Variants in BFSP1 observed in about 807,000 individuals in gnomAD.
BFSP1 encodes the protein beaded filament structural protein 1.
A neutral mutation model predicts 43.9 loss-of-function variants in BFSP1; 38 were observed. The ratio of observed to expected loss-of-function variants is 0.87; its 90% CI spans 0.67 to 1.14. The LOEUF is 1.14. Ranked by LOEUF, BFSP1 falls within the 50% of genes most tolerant of loss-of-function variation. The probability of loss-of-function intolerance (pLI) is 0.00; values close to 1 mark genes in which losing one functional copy is unlikely to be tolerated. For synonymous variants in BFSP1, 352 were observed against 354.8 expected (o/e 0.99, Z 0.09); for missense variants, 850 against 875.1 (o/e 0.97, Z 0.36).
chr20:17,543,742 G>A (rs1043457692), intron 1 of BFSP1, among the ~76,000 whole-genome samples: 226 of 152,256 alleles, frequency 1.5e-3, no homozygotes, highest in Admixed American at 3.5e-3. Context: ...GAAGATATGC[G>A]AAGCAACTTG....
At chr20:17,559,153 T>C (rs1400553942), upstream of BFSP1, among the ~76,000 whole-genome samples, 1 of 152,146 alleles carries the variant, frequency 6.6e-6, no homozygotes, top group Admixed American at 6.5e-5. Context: ...TCAGCTCCCT[T>C]TGCCCAGACA....
chr20:17,537,170 AG>A (rs1382188463), intron 1 of BFSP1, among the ~76,000 whole-genome samples: 2 of 152,218 alleles, frequency 1.3e-5, no homozygotes, highest in Admixed American at 1.3e-4. Flanking sequence ...TGGTCCCACC[AG>A]GGTGCAGCTT....
intron 1 of BFSP1, among the ~76,000 whole-genome samples, chr20:17,540,240 C>T (rs1470582695): frequency 2.6e-5 from 4 of 152,030 alleles, no homozygotes; most frequent in African/African-American, 9.7e-5. Flanking sequence ...CACCCTCTAC[C>T]ACCTGCCTGC....
chr20:17,561,434 G>T (rs1232295499), upstream of BFSP1, among the ~76,000 whole-genome samples: 3 of 152,024 alleles, frequency 2.0e-5, no homozygotes, highest in African/African-American at 7.3e-5. Context: ...GGGAGGTAGA[G>T]GTTGCAGCGA....
At chr20:17,502,667 A>C (rs1600637523) in intron 5 of BFSP1, among the ~76,000 whole-genome samples, 1 of 152,320 alleles carries the variant, frequency 6.6e-6, no homozygotes, top group African/African-American at 2.4e-5. Flanking sequence ...TGTTTTTGCA[A>C]CTTTTCAAAA....
At chr20:17,557,386 G>A (rs148107138) in intron 1 of BFSP1, among the ~76,000 whole-genome samples, 40 of 152,256 alleles carry the variant, frequency 2.6e-4, no homozygotes, top group African/African-American at 8.9e-4. Context: ...CAGACCATGG[G>A]GGGCACCTCA....
intron 1 of BFSP1, among the ~76,000 whole-genome samples, chr20:17,555,601 T>A (rs1193412998): frequency 1.3e-5 from 2 of 152,114 alleles, no homozygotes; most frequent in East Asian, 3.9e-4. Flanking sequence ...TGCAGTAAGC[T>A]GAGATTGTGC....
chr20:17,536,323 G>A (rs141685223), upstream of BFSP1, among the ~76,000 whole-genome samples: 1,093 of 152,252 alleles, frequency 7.2e-3, 17 homozygotes, highest in East Asian at 0.019. Flanking sequence ...GGCCAAGGCG[G>A]GTGGACTGCT....
intron 1 of BFSP1, among the ~76,000 whole-genome samples, chr20:17,564,419 A>G (rs916316666): frequency 8.0e-4 from 121 of 152,118 alleles, no homozygotes; most frequent in African/African-American, 2.8e-3. Flanking sequence ...AGTCAATATA[A>G]CAAATCTGAA....
At position 17,494,647 on chromosome 20, in the gene BFSP1, C is replaced by A; in HGVS notation, c.1425G>T (p.Gly475=). 6.2e-7 allele frequency: 1 copy of A among 1,614,168 alleles called. No homozygotes were observed. Residue 475 remains glycine (G), a synonymous_variant, in exon 8 of 8, where the codon GGG becomes GGT. Transcript: ENST00000377873. ...ATCTAGGGTCCACGTAATTGGCATC[C>A]CCTGTGACCAGCACGTGCCGCTCTT... ...YTKERHVLVT[G]DANYVDPRFY...
At chr20:17,495,094 G>A in intron 7 of BFSP1, 65 bp from the exon 8 acceptor site, 1 of 1,450,214 alleles carries the variant, frequency 6.9e-7, no homozygotes, top group South Asian at 1.3e-5. Context: ...AAATACGCTG[G>A]TTGGAAAATA....
In BFSP1 at chr20:17,494,999, G is replaced by A. The variant is rs1400296874; in HGVS notation, c.1073C>T (p.Ala358Val). ...GAGGGCTTTTTGTCTTGGTTTTGCT[G>A]CTGTTATATCCTGCAGAGCTCTGGT... ...DLTRALQDIT[A>V]AKPRQKALPK... Residue 358 changes from alanine to valine, a missense_variant, in exon 8 of 8, where the codon GCA becomes GTA. Ala to Val is a moderately conservative substitution (Grantham distance 64, BLOSUM62 0). Transcript: ENST00000377873. The A allele has an allele frequency of 6.2e-7, 1 of 1,613,720 alleles. No homozygotes were observed. Among genetic ancestry groups the A allele is most frequent in the South Asian group, 1.1e-5 (1 of 91,066 alleles).
chr20:17,548,303 C>A (rs116443182), intron 1 of BFSP1, among the ~76,000 whole-genome samples: 2,095 of 151,480 alleles, frequency 0.014, 45 homozygotes, highest in African/African-American at 0.048. Flanking sequence ...AATTATGGTA[C>A]GATCAATTTA....
At position 17,531,220 on chromosome 20, in the gene BFSP1, C is replaced by G; in HGVS notation, c.110G>C (p.Gly37Ala). 7.4e-7 allele frequency: 1 copy of G among 1,352,258 alleles called. No homozygotes were observed. Among genetic ancestry groups the G allele is most frequent in the Non-Finnish European group, 9.5e-7 (1 of 1,051,772 alleles). 83.8% of individuals were successfully genotyped at this position (1,352,258 alleles called of 1,614,324 possible). A position where few individuals can be genotyped will look rare whatever the true frequency, so the allele number is the denominator to read the frequency against. Residue 37 changes from glycine (G) to alanine (A), a missense_variant, in exon 1 of 8, where the codon GGG (glycine) becomes GCG (alanine). Coordinates refer to ENST00000377873, the MANE Select transcript of BFSP1 (RefSeq NM_001195.5). ...PERPADEGWAGATSLAALQGL... is the reference protein window; with the variant it reads ...PERPADEGWAAATSLAALQGL... ...CTGCAGCGCCGCCAGGCTCGTTGCCCCAGCCCAGCCCTCGTCGGCCGGGCG... is the reference window on the plus strand; with the variant it reads ...CTGCAGCGCCGCCAGGCTCGTTGCCGCAGCCCAGCCCTCGTCGGCCGGGCG...
At chr20:17,512,331 C>T (rs1243726557) in intron 3 of BFSP1, among the ~76,000 whole-genome samples, 1 of 152,124 alleles carries the variant, frequency 6.6e-6, no homozygotes, top group African/African-American at 2.4e-5. Flanking sequence ...TAAACTAAGA[C>T]TTGCCTTATT....
rs34519380 is a variant in BFSP1, at chr20:17,547,734, C to CTT, written c.2+10952_2+10953dup. Among the ~76,000 whole-genome samples, 288 of 136,168 alleles carry CTT rather than the reference C, an allele frequency of 2.1e-3. 2 individuals are homozygous for CTT. The highest frequency in any genetic ancestry group is 9.5e-3 in the South Asian group (41 of 4,298). The allele number at this position is 136,168 out of a possible 152,430, so 89.3% of individuals were successfully genotyped here. A position where few individuals can be genotyped will look rare whatever the true frequency, so the allele number is the denominator to read the frequency against. The stretch of plus-strand genomic sequence containing the variant: ...AGACATGTTTTTTTTCTTTTTCTTT[C>CTT]TTTTTTTTTTTTTTTGAAACAAGGT... On this transcript the variant is annotated intron_variant, in intron 1 of 7. Coordinates refer to the BFSP1 transcript ENST00000377868.
chr20:17,532,756 G>A (rs2034568616), upstream of BFSP1, among the ~76,000 whole-genome samples: 1 of 151,996 alleles, frequency 6.6e-6, no homozygotes. Context: ...TGATGAGAAT[G>A]TTTCTGAATG....
Position 17,552,942 on chromosome 20 carries a change from G to A in BFSP1, c.2+5746C>T, listed in dbSNP as rs1040203166. 4.6e-5 allele frequency among the ~76,000 whole-genome samples: 7 copies of A among 152,272 alleles called. No homozygotes were observed. In the East Asian group the frequency reaches 1.3e-3, roughly 29 times the overall value. ...AGAGGTCAAGGACAGACATAAATTT[G>A]GGAACCAACAGCAGAGAGAAGATAT... On this transcript the variant is annotated intron_variant, in intron 1 of 7. Coordinates refer to the BFSP1 transcript ENST00000377868.
At chr20:17,530,829 G>T in intron 1 of BFSP1, 124 bp downstream of exon 1, 1 of 1,109,914 alleles carries the variant, frequency 9.0e-7, no homozygotes, top group Non-Finnish European at 1.2e-6. Flanking sequence ...CAGGGATGAG[G>T]TCATCGATCG....
Sources: gnomAD v4.1 joint callset for allele counts (sites outside exome capture counted in the v4.1 genomes callset) on GRCh38, gnomAD v4.1.1 for gene constraint, MANE v1.5 for transcripts, NCBI Gene and HGNC (gene_info 2026-07-23, HGNC 2026-07-21) for gene names.